PTPRB: variants seen among roughly 807,000 people sequenced by gnomAD.
The protein encoded by PTPRB is receptor-type tyrosine-protein phosphatase beta.
In PTPRB, 97 loss-of-function variants were observed where a neutral mutation model predicts 238.1. The observed-to-expected ratio is 0.41, with a 90% CI of 0.35 to 0.48. The LOEUF (loss-of-function observed/expected upper bound fraction) is 0.48, where lower values mean the gene tolerates loss of function less well. Among genes scored for constraint, PTPRB ranks in the 20% least tolerant of loss-of-function variants. The pLI, the probability that PTPRB is intolerant of heterozygous loss-of-function variation, is 0.30. For synonymous variants in PTPRB, 970 were observed against 995.4 expected, an observed-to-expected ratio of 0.97 and a Z score of 0.48; for missense variants, 2,292 against 2,681.9, an observed-to-expected ratio of 0.85 and a Z score of 3.21.
At chr12:70,615,362 A>C (rs545045502) in intron 3 of PTPRB, among the ~76,000 whole-genome samples, 2 of 152,104 alleles carry the variant, frequency 1.3e-5, no homozygotes, top group Non-Finnish European at 2.9e-5. Flanking sequence ...TTTTTTTAAA[A>C]TACTGCAAGG....
chr12:70,552,763 G>T lies in PTPRB; in HGVS notation c.5387+14C>A. On this transcript the variant is annotated intron_variant, in intron 21 of 33. Transcript: ENST00000334414. ...GCATGTCCCTTCTAGCAAAACAGTG[G>T]TAATATATCTAACCTGTAGGCAGTG... 6.2e-7 allele frequency: 1 copy of T among 1,613,472 alleles called. No homozygotes were observed.
chr12:70,538,687 T>C (rs2136246298), intron 27 of PTPRB: 1 of 549,696 alleles, frequency 1.8e-6, no homozygotes, highest in South Asian at 2.4e-5. Flanking sequence ...AGCAATAGCA[T>C]CACATGGGGA....
At chr12:70,624,448 G>A (rs943870405) in intron 2 of PTPRB, among the ~76,000 whole-genome samples, 1 of 152,036 alleles carries the variant, frequency 6.6e-6, no homozygotes, top group Non-Finnish European at 1.5e-5. Flanking sequence ...TAGCCACTCC[G>A]GACATAGATC....
At chr12:70,546,259 G>C (rs1875961881) in intron 21 of PTPRB, among the ~76,000 whole-genome samples, 2 of 152,192 alleles carry the variant, frequency 1.3e-5, no homozygotes, top group South Asian at 4.1e-4. Context: ...CATTATTCCA[G>C]TCACCTGAGC....
chr12:70,630,458 T>C (rs560297978), intron 2 of PTPRB, among the ~76,000 whole-genome samples: 2 of 152,254 alleles, frequency 1.3e-5, no homozygotes, highest in South Asian at 4.1e-4. Context: ...CCACAGCCAA[T>C]ATCATACTGA....
chr12:70,606,311 C>T (rs192998741), intron 4 of PTPRB, among the ~76,000 whole-genome samples: 4 of 152,208 alleles, frequency 2.6e-5, no homozygotes, highest in East Asian at 1.9e-4. Context: ...TTATGTTCTT[C>T]GATTCTGATT....
intron 9 of PTPRB, among the ~76,000 whole-genome samples, chr12:70,586,220 C>T (rs146324421): frequency 7.2e-5 from 11 of 152,250 alleles, no homozygotes; most frequent in African/African-American, 2.6e-4. Flanking sequence ...GAGGATTTGC[C>T]AGACTGTCTT....
At chr12:70,521,813 G>T (rs1052052630) in intron 33 of PTPRB, among the ~76,000 whole-genome samples, 9 of 152,088 alleles carry the variant, frequency 5.9e-5, no homozygotes, top group African/African-American at 1.9e-4. Context: ...TCGAGAGTTC[G>T]GACCTGAATC....
intron 19 of PTPRB, among the ~76,000 whole-genome samples, chr12:70,555,648 T>C (rs1357045739): frequency 3.9e-5 from 6 of 152,196 alleles, no homozygotes; most frequent in Admixed American, 1.3e-4. Context: ...ATTCAGGTAC[T>C]TTAAGACCAT....
chr12:70,524,949 G>A (rs904445878), intron 32 of PTPRB, among the ~76,000 whole-genome samples: 48 of 148,968 alleles, frequency 3.2e-4, no homozygotes, highest in Admixed American at 6.8e-4. Context: ...GTATATATAT[G>A]TGTATATATG....
chr12:70,537,304 A>G lies in PTPRB; in HGVS notation c.5946+851T>C, dbSNP rs981813375. On this transcript the variant is annotated intron_variant, in intron 28 of 33. Transcript: ENST00000334414. ...CATCTCAAAAAAAAAAAAAAAAAAA[A>G]AAAAGAAAGAAATACAGATTCCCAG... is the stretch of plus-strand genomic sequence containing the variant. Among the ~76,000 whole-genome samples the G allele has an allele frequency of 1.5e-4, 21 of 136,428 alleles. No homozygotes were observed. In the East Asian group the frequency reaches 2.6e-3, roughly 17 times the overall value. The allele number at this position is 136,428 out of a possible 152,430, so 89.5% of individuals were successfully genotyped here. A position where few individuals can be genotyped will look rare whatever the true frequency, so the allele number is the denominator to read the frequency against.
At chr12:70,576,351 T>C (rs1302995486) in intron 11 of PTPRB, 31 bp downstream of exon 11, 4 of 1,602,726 alleles carry the variant, frequency 2.5e-6, no homozygotes, top group Admixed American at 3.4e-5. Context: ...AATTGGTTCT[T>C]ACGGAGCCCT....
chr12:70,558,475 A>C (rs1878026670), intron 18 of PTPRB, among the ~76,000 whole-genome samples: 1 of 152,134 alleles, frequency 6.6e-6, no homozygotes, highest in South Asian at 2.1e-4. Context: ...AGCTACTTAT[A>C]CTGGGTATTA....
At chr12:70,532,287 A>C (rs1339386711) in intron 31 of PTPRB, 117 bp from the exon 32 acceptor site, 8 of 1,274,142 alleles carry the variant, frequency 6.3e-6, no homozygotes, top group Non-Finnish European at 8.5e-6. Flanking sequence ...AGAAGATAGG[A>C]ATATTTCTTT....
rs749364727 is a variant in PTPRB, at chr12:70,556,011, A to G, written c.4852T>C (p.Ser1618Pro). The G allele has an allele frequency of 6.2e-7, 1 of 1,613,970 alleles. No individual in the cohort carries two copies. Among genetic ancestry groups the G allele is most frequent in the South Asian group, 1.1e-5 (1 of 91,082 alleles). Residue 1618 changes from serine to proline, a missense_variant, in exon 19 of 34, where the codon TCC becomes CCC. Transcript: ENST00000334414. Reference sequence around the variant, plus strand: ...GATTTTTCTTTCTCCAGCTTTCTGGAAAACTCAACTTCTTGGGTGTCCATT... The same window carrying G: ...GATTTTTCTTTCTCCAGCTTTCTGGGAAACTCAACTTCTTGGGTGTCCATT... Reference protein sequence around the residue: ...RKMDTQEVEFSRKLEKEKSLL... With the variant: ...RKMDTQEVEFPRKLEKEKSLL...
chr12:70,579,903 A>G (rs945046550), intron 10 of PTPRB, among the ~76,000 whole-genome samples: 1 of 152,132 alleles, frequency 6.6e-6, no homozygotes, highest in African/African-American at 2.4e-5. Flanking sequence ...AGATGCATCT[A>G]TGATGCCTGC....
Position 70,569,881 on chromosome 12 carries a change from G to A in PTPRB, c.3428C>T (p.Thr1143Met), listed in dbSNP as rs558992924. The A allele has an allele frequency of 1.9e-5, 31 of 1,613,338 alleles. No individual in the cohort carries two copies. The highest frequency in any genetic ancestry group is 8.9e-5 in the East Asian group (4 of 44,880). The change falls in exon 14 of 34, where the codon ACG becomes ATG. Residue 1143 changes from threonine to methionine, a missense_variant. By Grantham distance (81) the Thr-to-Met change is moderately conservative. Around this residue, in one of 4 missense-constraint regions of PTPRB, gnomAD observed 683 missense variants for 862.0 expected, o/e 0.79. Coordinates refer to ENST00000334414, the MANE Select transcript of PTPRB (RefSeq NM_001109754.4). ...ISPNGATDSL[T>M]VNWTPGGGDV... ...TCCCCCACCAGGAGTCCAGTTCACCGTCAGGCTATCTGTTGCTCCATTGGG... is the reference window on the plus strand; with the variant it reads ...TCCCCCACCAGGAGTCCAGTTCACCATCAGGCTATCTGTTGCTCCATTGGG...
chr12:70,537,703 G>A (rs1874386163), intron 28 of PTPRB, among the ~76,000 whole-genome samples: 2 of 152,280 alleles, frequency 1.3e-5, no homozygotes, highest in South Asian at 4.1e-4. Flanking sequence ...TGTTTGACCC[G>A]AAAGCTTTTT....
intron 32 of PTPRB, chr12:70,527,892 C>CCAGGGTTTCTGAGCCTGTAGAAA: frequency 6.6e-6 from 1 of 152,408 alleles, no homozygotes; most frequent in East Asian, 1.9e-4. Flanking sequence ...AGCTCTAGCA[C>CCAGGGTTTCTGAGCCTGTAGAAA]CAGGGTTTCT....
Sources: allele counts gnomAD v4.1 joint callset (sites outside exome capture counted in the v4.1 genomes callset), GRCh38; gene constraint gnomAD v4.1.1; regional missense constraint gnomAD v4.1.1; transcripts MANE v1.5; gene names NCBI Gene and HGNC (gene_info 2026-07-23, HGNC 2026-07-21).